LCP1: variants seen among roughly 807,000 people sequenced by gnomAD.
LCP1 encodes plastin-2.
In LCP1, 23 loss-of-function variants were observed where a neutral mutation model predicts 72.0. That is an observed-to-expected ratio of 0.32 (90% CI 0.23 to 0.45). LCP1 has a LOEUF of 0.45. LCP1 is among the 20% of genes least tolerant of loss of function. The pLI is 1.00. For synonymous variants in LCP1, 245 were observed against 275.4 expected, an observed-to-expected ratio of 0.89 and a Z score of 1.09; for missense variants, 571 against 748.3, an observed-to-expected ratio of 0.76 and a Z score of 2.76.
intron 14 of LCP1, among the ~76,000 whole-genome samples, chr13:46,132,821 T>C (rs1012863921): frequency 6.6e-6 from 1 of 152,176 alleles, no homozygotes; most frequent in African/African-American, 2.4e-5. Flanking sequence ...AGCCCTGCCC[T>C]GACAATATCT....
intron 1 of LCP1, among the ~76,000 whole-genome samples, chr13:46,161,168 T>C (rs1023156150): frequency 1.3e-5 from 2 of 152,130 alleles, no homozygotes; most frequent in Non-Finnish European, 2.9e-5. Flanking sequence ...AAACCTTACA[T>C]GTAAGCAAAC....
intron 9 of LCP1, 33 bp from the exon 10 acceptor site, chr13:46,147,136 C>A: frequency 6.6e-7 from 1 of 1,516,158 alleles, no homozygotes; most frequent in South Asian, 1.3e-5. Flanking sequence ...AGGGCTGGGT[C>A]AAGGCTCTCC....
intron 1 of LCP1, among the ~76,000 whole-genome samples, chr13:46,172,665 C>A (rs2045910214): frequency 6.6e-6 from 1 of 152,270 alleles, no homozygotes; most frequent in Middle Eastern, 3.4e-3. Context: ...CTCACTAGCT[C>A]TTGTTTCTAG....
At chr13:46,128,225 T>A (rs542227220) in intron 15 of LCP1, among the ~76,000 whole-genome samples, 1 of 152,064 alleles carries the variant, frequency 6.6e-6, no homozygotes, top group Non-Finnish European at 1.5e-5. Flanking sequence ...TGAATAAACA[T>A]GTGTGCTAGG....
At chr13:46,130,198 CT>C (rs1191418403) in intron 15 of LCP1, among the ~76,000 whole-genome samples, 2 of 152,192 alleles carry the variant, frequency 1.3e-5, no homozygotes, top group African/African-American at 2.4e-5. Context: ...TGTTCATTAA[CT>C]TTTTTTGCAA....
chr13:46,140,811 A>G (rs1194756861), intron 13 of LCP1, among the ~76,000 whole-genome samples: 7 of 152,240 alleles, frequency 4.6e-5, no homozygotes, highest in Admixed American at 3.9e-4. Flanking sequence ...GTCCAGGTTA[A>G]AAAACATGTA....
At chr13:46,168,111 C>G (rs532733486) in intron 1 of LCP1, among the ~76,000 whole-genome samples, 2 of 152,242 alleles carry the variant, frequency 1.3e-5, no homozygotes, top group East Asian at 1.9e-4. Flanking sequence ...ATGGAAATAA[C>G]TGGCAGGAAA....
At chr13:46,181,368 C>T (rs2045954519) in intron 1 of LCP1, among the ~76,000 whole-genome samples, 1 of 152,164 alleles carries the variant, frequency 6.6e-6, no homozygotes, top group Admixed American at 6.5e-5. Flanking sequence ...GTAAAAATTT[C>T]TATTGTAGAT....
chr13:46,131,300 T>G (rs1455201576), intron 14 of LCP1, among the ~76,000 whole-genome samples: 3 of 152,156 alleles, frequency 2.0e-5, no homozygotes, highest in Non-Finnish European at 4.4e-5. Context: ...AAAACCACAA[T>G]GAGATACCAC....
At chr13:46,166,367 G>C (rs1474812380) in intron 1 of LCP1, among the ~76,000 whole-genome samples, 1 of 152,154 alleles carries the variant, frequency 6.6e-6, no homozygotes, top group East Asian at 1.9e-4. Flanking sequence ...TCAGTATTTT[G>C]ATTCAATATA....
chr13:46,151,312 A>C (rs910108019), intron 7 of LCP1, among the ~76,000 whole-genome samples: 9 of 152,248 alleles, frequency 5.9e-5, no homozygotes, highest in African/African-American at 2.2e-4. Flanking sequence ...GGAGAAAACA[A>C]AGCACAGTGA....
At chr13:46,179,983 TCTC>T (rs1324522172) in intron 1 of LCP1, among the ~76,000 whole-genome samples, 1 of 151,630 alleles carries the variant, frequency 6.6e-6, no homozygotes, top group Non-Finnish European at 1.5e-5. Flanking sequence ...TCTCTCTCTC[TCTC>T]TTCTTTCTCT....
intron 1 of LCP1, among the ~76,000 whole-genome samples, chr13:46,166,877 T>C (rs1276656092): frequency 6.6e-6 from 1 of 152,210 alleles, no homozygotes; most frequent in Non-Finnish European, 1.5e-5. Flanking sequence ...GGATATCATA[T>C]CTCTATGGAT....
chr13:46,146,966 G>A lies in LCP1; in HGVS notation c.1116C>T (p.Asn372=). 1 of 1,614,106 alleles carries A rather than the reference G, an allele frequency of 6.2e-7. No homozygotes were observed. Among genetic ancestry groups the A allele is most frequent in the Non-Finnish European group, 8.5e-7 (1 of 1,180,000 alleles). The change falls in exon 10 of 16, where the codon AAC becomes AAT. Residue 372 remains asparagine (N), a synonymous_variant. Coordinates refer to ENST00000323076, the MANE Select transcript of LCP1 (RefSeq NM_002298.5). ...CTGGTTTGTGCAGGGCAGGGTATCTGTTAAAGAGGTTGGCAATAAAAGCCA... is the reference window on the plus strand; with the variant it reads ...CTGGTTTGTGCAGGGCAGGGTATCTATTAAAGAGGTTGGCAATAAAAGCCA... ...LNLAFIANLF[N]RYPALHKPEN...
At chr13:46,154,213 G>A (rs1336644545) in intron 6 of LCP1, among the ~76,000 whole-genome samples, 1 of 152,140 alleles carries the variant, frequency 6.6e-6, no homozygotes, top group Non-Finnish European at 1.5e-5. Context: ...AAGTACACAA[G>A]GTTGCTTAAA....
intron 15 of LCP1, among the ~76,000 whole-genome samples, chr13:46,128,522 C>T (rs909412981): frequency 1.8e-4 from 28 of 151,954 alleles, no homozygotes; most frequent in Admixed American, 5.9e-4. Context: ...CGCTTGAACC[C>T]GGGAGGCGGA....
chr13:46,154,566 A>G (rs1406673867), intron 6 of LCP1, among the ~76,000 whole-genome samples: 1 of 152,214 alleles, frequency 6.6e-6, no homozygotes, highest in African/African-American at 2.4e-5. Flanking sequence ...AGCCAAAGTG[A>G]ATTTTATTCC....
At chr13:46,143,095 A>T (rs1321842165) in intron 12 of LCP1, among the ~76,000 whole-genome samples, 195 bp downstream of exon 12, 1 of 152,232 alleles carries the variant, frequency 6.6e-6, no homozygotes, top group Non-Finnish European at 1.5e-5. Flanking sequence ...CCAACATGGA[A>T]TTATAAATAA....
At chr13:46,130,304 G>T (rs185655713) in intron 15 of LCP1, among the ~76,000 whole-genome samples, 1 of 152,300 alleles carries the variant, frequency 6.6e-6, no homozygotes, top group East Asian at 1.9e-4. Context: ...AAATGAATAG[G>T]CTCTGTTTCA....
Sources: gnomAD v4.1 joint callset for allele counts (sites outside exome capture counted in the v4.1 genomes callset) on GRCh38, gnomAD v4.1.1 for gene constraint, MANE v1.5 for transcripts, NCBI Gene and HGNC (gene_info 2026-07-23, HGNC 2026-07-21) for gene names.